The following ZNF469 variants were observed in gnomAD, a reference collection of about 807,000 sequenced individuals.
ZNF469 encodes zinc finger protein 469.
Under a neutral mutation model 1.0 loss-of-function variants are expected in ZNF469, and 1 was observed. The ratio of observed to expected loss-of-function variants is 1.00; its 90% CI spans 0.35 to 4.73. The LOEUF is 4.73. ZNF469 is among the 30% of genes most tolerant of loss of function. The pLI is 0.16. For missense variants in ZNF469, 6,100 were observed against 5,356.3 expected (o/e 1.14, Z -4.33); for synonymous variants, 2,703 against 2,363.4 (o/e 1.14, Z -4.17).
intron 1 of ZNF469, among the ~76,000 whole-genome samples, chr16:88,387,172 G>A (rs1284432021): frequency 2.0e-5 from 3 of 152,164 alleles, no homozygotes; most frequent in East Asian, 1.9e-4. Flanking sequence ...TGCGGACGCC[G>A]TCCGCACCCC....
Position 88,437,780 on chromosome 16 carries a change from T to C in ZNF469, c.10310T>C (p.Met3437Thr). ...FAKKEQFDRH[M>T]NKHLRGGRQP... ...AAGAAGGAGCAGTTCGACCGCCACA[T>C]GAACAAGCACCTCAGGGGGGGGCGG... is the stretch of plus-strand genomic sequence containing the variant. Residue 3437 changes from methionine (M) to threonine (T), a missense_variant, in exon 3 of 3, where the codon ATG (methionine) becomes ACG (threonine). Physicochemically the swap from Met to Thr is moderately conservative, Grantham distance 81. Coordinates refer to ENST00000565624, the MANE Select transcript of ZNF469 (RefSeq NM_001367624.2). The C allele has an allele frequency of 1.9e-6, 3 of 1,549,420 alleles. No individual in the cohort carries two copies. Among genetic ancestry groups the C allele is most frequent in the Non-Finnish European group, 2.6e-6 (3 of 1,146,370 alleles).
the ZNF469 span, among the ~76,000 whole-genome samples, chr16:88,298,553 C>G: frequency 1.3e-5 from 2 of 152,204 alleles, no homozygotes; most frequent in Non-Finnish European, 2.9e-5. Flanking sequence ...AGGAAAGTCT[C>G]CTGAGGCGTG....
the ZNF469 span, among the ~76,000 whole-genome samples, chr16:88,358,864 G>A: frequency 3.9e-4 from 60 of 152,072 alleles, no homozygotes; most frequent in South Asian, 1.2e-3. Context: ...AATTACAGGC[G>A]CGTGCCACCA....
At chr16:88,401,538 G>GATGGATGA (rs1567501602) in intron 1 of ZNF469, among the ~76,000 whole-genome samples, 1 of 82,284 alleles carries the variant, frequency 1.2e-5, no homozygotes, top group African/African-American at 4.1e-5. Flanking sequence ...TGGATGCATG[G>GATGGATGA]GTGGATGGAT....
chr16:88,282,458 A>C, the ZNF469 span, among the ~76,000 whole-genome samples: 2 of 151,942 alleles, frequency 1.3e-5, no homozygotes, highest in Admixed American at 6.6e-5. Flanking sequence ...TGCCTGTTGG[A>C]CCTTGCCCTG....
rs764262910 is a variant in ZNF469 at position 88,435,216 on chromosome 16, G to C, written c.7746G>C (p.Glu2582Asp). The change falls in exon 3 of 3, where the codon GAG (glutamate) becomes GAC (aspartate). Residue 2582 changes from glutamate (E) to aspartate (D), a missense_variant. Physicochemically the swap from Glu to Asp is conservative, Grantham distance 45 (BLOSUM62 2). Transcript: ENST00000565624. ...ACCCTCCAAGCCCTACTGAGCATGA[G>C]GTAGATGTGAAGACTCCGGCCTCCA... ...QLHPPSPTEH[E>D]VDVKTPASKP... 2 of 1,550,386 alleles carry C rather than the reference G, an allele frequency of 1.3e-6. No homozygotes were observed. Among genetic ancestry groups the C allele is most frequent in the Non-Finnish European group, 8.7e-7 (1 of 1,146,988 alleles).
rs1438840753 is a variant in ZNF469 at position 88,438,710 on chromosome 16, GCAGCCAGCCC to G, written c.11250_11259del (p.Gln3751AlafsTer52). ...CGCCCCGGCACCAAGACAGGAGGTG[GCAGCCAGCCC>G]CAGCCAGCCAGCGGGCAGCTCCAGA... On this transcript the variant is annotated frameshift_variant, in exon 3 of 3. Transcript: ENST00000565624. LOFTEE classifies it low-confidence loss of function (END_TRUNC). 2 of 1,549,952 alleles carry G rather than the reference GCAGCCAGCCC, an allele frequency of 1.3e-6. No homozygotes were observed. The highest frequency in any genetic ancestry group is 8.7e-7 in the Non-Finnish European group (1 of 1,146,826).
At chr16:88,321,217 C>T in the ZNF469 span, among the ~76,000 whole-genome samples, 16 of 152,378 alleles carry the variant, frequency 1.1e-4, 1 homozygote, top group Admixed American at 2.6e-4. Flanking sequence ...GTTTCCCCCT[C>T]GGGATCTTGC....
the ZNF469 span, among the ~76,000 whole-genome samples, chr16:88,245,302 G>A: frequency 6.6e-6 from 1 of 152,212 alleles, no homozygotes; most frequent in African/African-American, 2.4e-5. Context: ...AGAGGAGGAG[G>A]CTGTGACTCA....
the ZNF469 span, among the ~76,000 whole-genome samples, chr16:88,356,637 C>T: frequency 6.6e-6 from 1 of 152,196 alleles, no homozygotes; most frequent in African/African-American, 2.4e-5. Context: ...CTCAGAAGGT[C>T]CTCCAAGGCC....
chr16:88,186,201 C>T, the ZNF469 span, among the ~76,000 whole-genome samples: 18 of 152,324 alleles, frequency 1.2e-4, 1 homozygote, highest in East Asian at 1.5e-3. Flanking sequence ...GACCTTTCTT[C>T]CGGGAGGCCA....
At position 88,431,736 on chromosome 16, in the gene ZNF469, C is replaced by T. The variant is rs1402676512; in HGVS notation, c.4266C>T (p.Ala1422=). ...SSCLCQDGED[A]GSLEPQLPRS... ...GCCTTTGCCAGGACGGCGAGGATGC[C>T]GGTTCCCTCGAGCCACAGCTGCCAA... Residue 1422 remains alanine, a synonymous_variant, in exon 3 of 3, where the codon GCC becomes GCT. Transcript: ENST00000565624. 8.4e-6 allele frequency: 13 copies of T among 1,549,988 alleles called. No homozygotes were observed. The African/African-American group carries it at 9.6e-5, about 11-fold the overall frequency.
chr16:88,381,511 TG>T (rs2142258005), upstream of ZNF469, among the ~76,000 whole-genome samples: 1 of 152,368 alleles, frequency 6.6e-6, no homozygotes, highest in East Asian at 1.9e-4. Flanking sequence ...AAACGCCCTC[TG>T]GGGTCTTTGT....
chr16:88,101,544 C>CTTT, the ZNF469 span, among the ~76,000 whole-genome samples: 9 of 144,014 alleles, frequency 6.2e-5, no homozygotes, highest in African/African-American at 7.7e-5. Context: ...TCTCATTACG[C>CTTT]TTTTTTTTTT....
the ZNF469 span, among the ~76,000 whole-genome samples, chr16:88,359,027 C>T: frequency 6.6e-6 from 1 of 152,190 alleles, no homozygotes; most frequent in South Asian, 2.1e-4. Context: ...GGGACTCCCC[C>T]TAGAAGTAGA....
intron 1 of ZNF469, among the ~76,000 whole-genome samples, chr16:88,385,661 T>A (rs1157140023): frequency 2.1e-5 from 3 of 140,614 alleles, no homozygotes; most frequent in East Asian, 4.1e-4. Flanking sequence ...AAAAAAAAAA[T>A]TCTGTTACCC....
the ZNF469 span, among the ~76,000 whole-genome samples, chr16:88,344,173 C>G: frequency 1.3e-5 from 2 of 151,632 alleles, no homozygotes; most frequent in African/African-American, 2.4e-5. Context: ...GAGAATTTGT[C>G]ACGGCCCAGA....
chr16:88,225,033 G>T, the ZNF469 span, among the ~76,000 whole-genome samples: 3 of 152,318 alleles, frequency 2.0e-5, no homozygotes, highest in East Asian at 3.9e-4. Context: ...AGCGTGGGCT[G>T]CTCTGCTCCC....
the ZNF469 span, among the ~76,000 whole-genome samples, chr16:88,331,528 C>T: frequency 6.6e-6 from 1 of 151,164 alleles, no homozygotes; most frequent in Non-Finnish European, 1.5e-5. Flanking sequence ...TCATCACTAC[C>T]ATCACTATCA....
Sources: allele counts gnomAD v4.1 joint callset (sites outside exome capture counted in the v4.1 genomes callset), GRCh38; gene constraint gnomAD v4.1.1; transcripts MANE v1.5; gene names NCBI Gene and HGNC (gene_info 2026-07-23, HGNC 2026-07-21).